The following NIPBL variants were observed in gnomAD, a reference collection of about 807,000 sequenced individuals.
NIPBL encodes the protein NIPBL cohesin loading factor.
In NIPBL, 19 loss-of-function variants were observed where a neutral mutation model predicts 321.8. That is an observed-to-expected ratio of 0.06 (90% CI 0.04 to 0.09). The LOEUF (loss-of-function observed/expected upper bound fraction) is 0.09, where lower values mean the gene tolerates loss of function less well. Ranked by LOEUF, NIPBL falls within the 10% of genes least tolerant of loss-of-function variation. The probability of loss-of-function intolerance (pLI) is 1.00; values close to 1 mark genes in which losing one functional copy is unlikely to be tolerated. For missense variants in NIPBL, 2,210 were observed against 3,327.0 expected (o/e 0.66, Z 8.26); for synonymous variants, 1,106 against 1,114.1 (o/e 0.99, Z 0.14).
chr5:36,962,721 T>C (rs1246440982), intron 6 of NIPBL, among the ~76,000 whole-genome samples: 1 of 152,182 alleles, frequency 6.6e-6, no homozygotes, highest in Non-Finnish European at 1.5e-5. Context: ...GAGTCTGTAG[T>C]GAACACGTAC....
At chr5:36,906,269 A>T (rs529481928) in intron 1 of NIPBL, among the ~76,000 whole-genome samples, 5 of 152,184 alleles carry the variant, frequency 3.3e-5, no homozygotes, top group Non-Finnish European at 5.9e-5. Flanking sequence ...TATACATAAG[A>T]TGTGTAAAGG....
intron 21 of NIPBL, 120 bp downstream of exon 21, chr5:37,010,345 T>A: frequency 1.2e-6 from 1 of 834,900 alleles, no homozygotes; most frequent in Non-Finnish European, 1.9e-6. Flanking sequence ...AGACGGAGTC[T>A]CGCTCTGTCA....
In NIPBL at chr5:36,921,608, A is replaced by C. The variant is rs1748945659; in HGVS notation, c.-79-32010A>C. Among the ~76,000 whole-genome samples the C allele has an allele frequency of 3.3e-5, 5 of 151,810 alleles. No homozygotes were observed. The South Asian group carries it at 1.0e-3, about 32-fold the overall frequency. On this transcript the variant is annotated intron_variant, in intron 1 of 46. Coordinates refer to ENST00000282516, the MANE Select transcript of NIPBL (RefSeq NM_133433.4). ...CCACTTTCCCAATTTTGAAGCTTACAAAAAAAATAGGCAGGATTTTAGTTT... is the reference window on the plus strand; with the variant it reads ...CCACTTTCCCAATTTTGAAGCTTACCAAAAAAATAGGCAGGATTTTAGTTT...
intron 42 of NIPBL, among the ~76,000 whole-genome samples, chr5:37,054,522 G>T (rs1034065017): frequency 1.3e-5 from 2 of 152,180 alleles, no homozygotes; most frequent in Non-Finnish European, 2.9e-5. Context: ...CTGATGGTTT[G>T]TGTTGATAAT....
intron 11 of NIPBL, among the ~76,000 whole-genome samples, chr5:36,999,551 A>T (rs1561136450): frequency 6.6e-6 from 1 of 152,168 alleles, no homozygotes; most frequent in Non-Finnish European, 1.5e-5. Flanking sequence ...TTTTCAGCAT[A>T]ATGTTCTAGG....
intron 1 of NIPBL, among the ~76,000 whole-genome samples, chr5:36,945,565 C>G (rs942330095): frequency 6.6e-6 from 1 of 152,144 alleles, no homozygotes; most frequent in South Asian, 2.1e-4. Context: ...CACGCATATA[C>G]ATTATTGGTA....
At chr5:36,970,047 A>G (rs570024420) in intron 6 of NIPBL, among the ~76,000 whole-genome samples, 1 of 152,154 alleles carries the variant, frequency 6.6e-6, no homozygotes, top group South Asian at 2.1e-4. Flanking sequence ...ATGAACAAAT[A>G]AATAGTGTAC....
At chr5:37,011,702 T>C in intron 21 of NIPBL, among the ~76,000 whole-genome samples, 1 of 152,346 alleles carries the variant, frequency 6.6e-6, no homozygotes, top group Non-Finnish European at 1.5e-5. Flanking sequence ...TCTTTCTTTC[T>C]TTTAATTATT....
intron 36 of NIPBL, 147 bp downstream of exon 36, chr5:37,044,876 A>G: frequency 3.0e-6 from 2 of 665,840 alleles, no homozygotes; most frequent in Non-Finnish European, 5.4e-6. Context: ...AATATTTTCT[A>G]GTGTCTTTTG....
At chr5:36,962,405 A>G (rs1741725394) in intron 6 of NIPBL, 131 bp downstream of exon 6, 1 of 956,046 alleles carries the variant, frequency 1.0e-6, no homozygotes, top group South Asian at 1.4e-5. Context: ...AAACCTTTTT[A>G]AAGATATGGC....
At chr5:37,063,419 A>G (rs1237762473) in intron 45 of NIPBL, among the ~76,000 whole-genome samples, 2 of 152,218 alleles carry the variant, frequency 1.3e-5, no homozygotes, top group East Asian at 3.8e-4. Flanking sequence ...TCTATCAGTA[A>G]TTATCACCTG....
Position 36,879,003 on chromosome 5 carries a change from G to A in NIPBL, c.-80+1825G>A, listed in dbSNP as rs575923381. On this transcript the variant is annotated intron_variant, in intron 1 of 46. Transcript: ENST00000282516. Reference sequence around the variant, plus strand: ...GGGTGTGCGAGTGGGGGGCATGCCAGGGAGGGAATGCAGACGGGAGGAATA... The same window carrying A: ...GGGTGTGCGAGTGGGGGGCATGCCAAGGAGGGAATGCAGACGGGAGGAATA... Among the ~76,000 whole-genome samples, 6 of 152,196 alleles carry A rather than the reference G, an allele frequency of 3.9e-5. No homozygotes were observed. In the South Asian group the frequency reaches 1.2e-3, roughly 32 times the overall value.
chr5:37,014,858 A>G (rs1251083272), intron 22 of NIPBL, 93 bp downstream of exon 22: 2 of 790,396 alleles, frequency 2.5e-6, no homozygotes, highest in African/African-American at 3.4e-5. Flanking sequence ...TCCTGCCATA[A>G]TCTGAACCTT....
intron 42 of NIPBL, among the ~76,000 whole-genome samples, chr5:37,053,532 G>C (rs990686512): frequency 6.6e-6 from 1 of 152,162 alleles, no homozygotes; most frequent in Non-Finnish European, 1.5e-5. Context: ...TAAAAGTTAT[G>C]TGAATGGGAT....
At chr5:37,064,028 AT>A in intron 46 of NIPBL, 50 bp downstream of exon 46, 1 of 1,598,606 alleles carries the variant, frequency 6.3e-7, no homozygotes, top group African/African-American at 1.3e-5. Flanking sequence ...ACGTAAAATG[AT>A]TTTTATGTGC....
chr5:36,920,498 T>C (rs1748847524), intron 1 of NIPBL, among the ~76,000 whole-genome samples: 1 of 152,172 alleles, frequency 6.6e-6, no homozygotes, highest in Admixed American at 6.5e-5. Context: ...AACTTGGGAA[T>C]CTAATGACTG....
chr5:36,959,427 T>C (rs1326280324), intron 4 of NIPBL, among the ~76,000 whole-genome samples: 1 of 152,196 alleles, frequency 6.6e-6, no homozygotes, highest in Non-Finnish European at 1.5e-5. Flanking sequence ...TCTGACCGAC[T>C]TGCCTTTTAG....
chr5:36,883,082 T>C (rs528995269), intron 1 of NIPBL, among the ~76,000 whole-genome samples: 1 of 151,874 alleles, frequency 6.6e-6, no homozygotes, highest in Non-Finnish European at 1.5e-5. Context: ...ACTGAAATTT[T>C]AAAAAAATGA....
chr5:36,886,642 A>G, intron 1 of NIPBL: 1 of 490,312 alleles, frequency 2.0e-6, no homozygotes, highest in Non-Finnish European at 3.7e-6. Context: ...GGTATAATTT[A>G]TACAGTAAAA....
Sources: allele counts gnomAD v4.1 joint callset (sites outside exome capture counted in the v4.1 genomes callset), GRCh38; gene constraint gnomAD v4.1.1; transcripts MANE v1.5; gene names NCBI Gene and HGNC (gene_info 2026-07-23, HGNC 2026-07-21).